The following CNTLN variants were observed in gnomAD, a reference collection of about 807,000 sequenced individuals.
CNTLN encodes centlein.
CNTLN carries 212 observed loss-of-function variants against 180.0 expected under a neutral mutation model. The ratio of observed to expected loss-of-function variants is 1.18; its 90% CI spans 1.05 to 1.32. The LOEUF is 1.32. Among genes scored for constraint, CNTLN ranks in the 40% most tolerant of loss-of-function variants. The pLI, the probability that CNTLN is intolerant of heterozygous loss-of-function variation, is 0.00. For missense variants in CNTLN, 2,095 were observed against 1,610.9 expected (o/e 1.30, Z -5.14); for synonymous variants, 722 against 563.1 (o/e 1.28, Z -3.99).
chr9:17,454,937 C>T (rs1232869935), intron 18 of CNTLN, among the ~76,000 whole-genome samples: 1 of 152,184 alleles, frequency 6.6e-6, no homozygotes. Flanking sequence ...AGGAATCATG[C>T]TGCTAATAAA....
At chr9:17,361,707 T>C (rs1823404931) in intron 12 of CNTLN, among the ~76,000 whole-genome samples, 1 of 152,204 alleles carries the variant, frequency 6.6e-6, no homozygotes. Context: ...ATGTTCTTCT[T>C]GGGACCCCTC....
chr9:17,326,022 A>T (rs920167502), intron 8 of CNTLN, among the ~76,000 whole-genome samples: 2 of 152,078 alleles, frequency 1.3e-5, no homozygotes, highest in African/African-American at 4.8e-5. Context: ...AAAAAATAGT[A>T]ATTTGTATAA....
intron 13 of CNTLN, 80 bp from the exon 14 acceptor site, chr9:17,388,082 A>G (rs1252824260): frequency 4.6e-6 from 4 of 863,228 alleles, no homozygotes; most frequent in Non-Finnish European, 3.5e-6. Flanking sequence ...GAAAAACCAT[A>G]GAACCCTTTT....
intron 6 of CNTLN, among the ~76,000 whole-genome samples, chr9:17,290,895 T>A (rs1587518883): frequency 6.6e-6 from 1 of 152,198 alleles, no homozygotes; most frequent in African/African-American, 2.4e-5. Context: ...CCCACTGGCC[T>A]GCGCCCACTG....
intron 2 of CNTLN, among the ~76,000 whole-genome samples, chr9:17,217,163 A>G (rs1409934681): frequency 2.0e-5 from 3 of 152,282 alleles, no homozygotes; most frequent in Admixed American, 6.5e-5. Flanking sequence ...TAAATTAAAT[A>G]ATTGTGAGAT....
At chr9:17,199,425 A>G (rs1463057843) in intron 2 of CNTLN, among the ~76,000 whole-genome samples, 1 of 151,846 alleles carries the variant, frequency 6.6e-6, no homozygotes, top group Non-Finnish European at 1.5e-5. Context: ...GTTAGCCAGG[A>G]TGGTCTCAAT....
chr9:17,182,721 TTATATACCA>T (rs1821196787), intron 2 of CNTLN, among the ~76,000 whole-genome samples: 1 of 152,224 alleles, frequency 6.6e-6, no homozygotes, highest in African/African-American at 2.4e-5. Context: ...TCTCTTACCC[TTATATACCA>T]TAGCAGTCTT....
intron 12 of CNTLN, among the ~76,000 whole-genome samples, chr9:17,362,356 A>C (rs949620437): frequency 2.6e-5 from 4 of 152,122 alleles, no homozygotes; most frequent in Non-Finnish European, 5.9e-5. Context: ...ATGTGTGTGC[A>C]TGTGTATGTG....
intron 10 of CNTLN, among the ~76,000 whole-genome samples, chr9:17,340,076 G>A (rs1821355255): frequency 6.6e-6 from 1 of 152,146 alleles, no homozygotes; most frequent in African/African-American, 2.4e-5. Flanking sequence ...AAGATTGCCT[G>A]AGCCCAGGAG....
chr9:17,151,631 T>G (rs1818887504), intron 2 of CNTLN, among the ~76,000 whole-genome samples: 1 of 152,190 alleles, frequency 6.6e-6, no homozygotes, highest in Non-Finnish European at 1.5e-5. Context: ...CTTTTTTTGT[T>G]GTGTCTCTGC....
chr9:17,476,001 C>T (rs1354580240), intron 23 of CNTLN, among the ~76,000 whole-genome samples: 2 of 151,786 alleles, frequency 1.3e-5, no homozygotes, highest in Non-Finnish European at 2.9e-5. Flanking sequence ...TTTGTGGCAG[C>T]TTTACCTCAA....
At chr9:17,392,222 G>C (rs538965700) in intron 14 of CNTLN, among the ~76,000 whole-genome samples, 2 of 152,170 alleles carry the variant, frequency 1.3e-5, no homozygotes, top group South Asian at 4.2e-4. Flanking sequence ...CCATGATCGA[G>C]CCATGGCACT....
At chr9:17,430,655 A>C (rs990757953) in intron 18 of CNTLN, among the ~76,000 whole-genome samples, 1 of 152,012 alleles carries the variant, frequency 6.6e-6, no homozygotes, top group African/African-American at 2.4e-5. Flanking sequence ...TATTCCTTCT[A>C]TGTAACTGTA....
At chr9:17,412,254 A>G (rs1827903222) in intron 16 of CNTLN, among the ~76,000 whole-genome samples, 1 of 152,196 alleles carries the variant, frequency 6.6e-6, no homozygotes, top group Admixed American at 6.5e-5. Context: ...GTGGTGTCAG[A>G]TGAGTCCCAT....
intron 5 of CNTLN, among the ~76,000 whole-genome samples, chr9:17,242,759 T>G (rs1374865947): frequency 1.3e-5 from 2 of 152,216 alleles, no homozygotes; most frequent in African/African-American, 4.8e-5. Context: ...AATATTTTAT[T>G]GAGGATTTTT....
intron 25 of CNTLN, among the ~76,000 whole-genome samples, chr9:17,487,688 A>T (rs1832960367): frequency 6.6e-6 from 1 of 152,130 alleles, no homozygotes; most frequent in Non-Finnish European, 1.5e-5. Context: ...TGCATAGAGG[A>T]TGACAAGGCC....
intron 15 of CNTLN, among the ~76,000 whole-genome samples, chr9:17,408,244 A>G (rs756964016): frequency 3.3e-5 from 5 of 152,044 alleles, no homozygotes; most frequent in Non-Finnish European, 5.9e-5. Flanking sequence ...CAAGCAGCAT[A>G]TAATGATGTC....
In CNTLN at chr9:17,250,504, T is replaced by C. The variant is rs749241747; in HGVS notation, c.849+13916T>C. ...TTCGATTTTGTTTGTTTAGTATATA[T>C]GTTATTGATAATTTCTTTGTGCTTA... is the stretch of plus-strand genomic sequence containing the variant. On this transcript the variant is annotated intron_variant, in intron 5 of 25. Coordinates refer to ENST00000380647, the MANE Select transcript of CNTLN (RefSeq NM_017738.4). Among the ~76,000 whole-genome samples, 6 of 152,162 alleles carry C rather than the reference T, an allele frequency of 3.9e-5. No homozygotes were observed. The Middle Eastern group carries it at 0.01, about 266-fold the overall frequency.
chr9:17,247,838 T>C lies in CNTLN; in HGVS notation c.849+11250T>C, dbSNP rs992083683. Among the ~76,000 whole-genome samples the C allele has an allele frequency of 1.5e-4, 23 of 150,034 alleles. No individual in the cohort carries two copies. In the East Asian group the frequency reaches 1.6e-3, roughly 10 times the overall value. ...CATGTGGTTTCTCTGTTCTTTCTTT[T>C]TTTTTTTTTTTGAGACAGGGTCTCA... On this transcript the variant is annotated intron_variant, in intron 5 of 25. Coordinates refer to ENST00000380647, the MANE Select transcript of CNTLN (RefSeq NM_017738.4).
Sources: gnomAD v4.1 joint callset for allele counts (sites outside exome capture counted in the v4.1 genomes callset) on GRCh38, gnomAD v4.1.1 for gene constraint, MANE v1.5 for transcripts, NCBI Gene and HGNC (gene_info 2026-07-23, HGNC 2026-07-21) for gene names.